RPL14: variants seen among roughly 807,000 people sequenced by gnomAD.
RPL14 encodes ribosomal protein L14.
RPL14 carries 4 observed loss-of-function variants against 25.3 expected under a neutral mutation model. That is an observed-to-expected ratio of 0.16 (90% CI 0.08 to 0.36). The LOEUF (loss-of-function observed/expected upper bound fraction) is 0.36, where lower values mean the gene tolerates loss of function less well. RPL14 is among the 10% of genes least tolerant of loss of function. RPL14 has a pLI of 1.00. For missense variants in RPL14, 212 were observed against 261.9 expected, an observed-to-expected ratio of 0.81 and a Z score of 1.31; for synonymous variants, 75 against 89.8, an observed-to-expected ratio of 0.84 and a Z score of 0.93.
Position 40,464,143 on chromosome 3 carries a change from A to G in RPL14, c.*1911A>G, listed in dbSNP as rs766184110. 3.4e-6 allele frequency: 1 copy of G among 292,010 alleles called. No individual in the cohort carries two copies. The highest frequency in any genetic ancestry group is 6.8e-6 in the Non-Finnish European group (1 of 146,060). 18.1% of individuals were successfully genotyped at this position (292,010 alleles called of 1,614,324 possible). A position where few individuals can be genotyped will look rare whatever the true frequency, so the allele number is the denominator to read the frequency against. The stretch of plus-strand genomic sequence containing the variant: ...CACCATGCCCCTCTAATATTGTATT[A>G]GAGATGGGGTTTTGCCATGTCAGCC... On this transcript the variant is annotated 3_prime_UTR_variant, in exon 6 of 6. Coordinates refer to ENST00000396203, the MANE Select transcript of RPL14 (RefSeq NM_001034996.3).
intron 3 of RPL14, 62 bp downstream of exon 3, chr3:40,458,798 T>C: frequency 7.6e-7 from 1 of 1,323,186 alleles, no homozygotes; most frequent in Non-Finnish European, 1.1e-6. Context: ...AGTAAAAGTT[T>C]GTTTTGGAGT....
At chr3:40,459,653 A>C (rs1454601760) in intron 3 of RPL14, among the ~76,000 whole-genome samples, 1 of 152,078 alleles carries the variant, frequency 6.6e-6, no homozygotes, top group Non-Finnish European at 1.5e-5. Context: ...CAGGAGATGG[A>C]GACCGTCCTG....
chr3:40,462,525 C>T lies in RPL14; in HGVS notation c.*293C>T, dbSNP rs539505770. The T allele has an allele frequency of 8.1e-5, 19 of 234,378 alleles. No individual in the cohort carries two copies. The East Asian group carries it at 9.7e-4, about 12-fold the overall frequency. The allele number at this position is 234,378 out of a possible 1,614,324, so 14.5% of individuals were successfully genotyped here. Reference sequence around the variant, plus strand: ...CTGAGCAGCTGGGACTACAGGTGCCCGCCACCGCGCCTGGCTAATTTTTTG... The same window carrying T: ...CTGAGCAGCTGGGACTACAGGTGCCTGCCACCGCGCCTGGCTAATTTTTTG... On this transcript the variant is annotated 3_prime_UTR_variant, in exon 6 of 6. Transcript: ENST00000396203.
At chr3:40,458,926 A>C (rs1021929982) in intron 3 of RPL14, 190 bp downstream of exon 3, 3 of 551,316 alleles carry the variant, frequency 5.4e-6, no homozygotes, top group African/African-American at 3.8e-5. Context: ...CTGTAATCCC[A>C]GTACTTTGGG....
chr3:40,458,518 G>A, intron 2 of RPL14, 124 bp from the exon 3 acceptor site: 4 of 700,648 alleles, frequency 5.7e-6, no homozygotes, highest in Non-Finnish European at 7.4e-6. Flanking sequence ...TCTTTTCTGA[G>A]CAATTTATTA....
chr3:40,458,099 G>T (rs1279989686), intron 2 of RPL14, 108 bp downstream of exon 2: 1 of 918,220 alleles, frequency 1.1e-6, no homozygotes, highest in Non-Finnish European at 1.8e-6. Context: ...ATGGGTAGTC[G>T]CTTTATTTTA....
At chr3:40,461,831 T>C (rs915456950) in intron 5 of RPL14, 108 bp from the exon 6 acceptor site, 2 of 1,323,610 alleles carry the variant, frequency 1.5e-6, no homozygotes, top group African/African-American at 2.9e-5. Flanking sequence ...TTTCTTCAGA[T>C]GTAGTTGTAG....
Position 40,465,986 on chromosome 3 carries a change from T to C in RPL14, c.*3754T>C, listed in dbSNP as rs1227046058. On this transcript the variant is annotated 3_prime_UTR_variant, in exon 6 of 6. Transcript: ENST00000396203. ...CAGGCGGATCACCTGAGGTCAGGGG[T>C]CCGAGACCAGCTTGGCCAACATGGT... The C allele has an allele frequency of 2.0e-5, 3 of 150,964 alleles. No individual in the cohort carries two copies. The highest frequency in any genetic ancestry group is 7.3e-5 in the African/African-American group (3 of 40,990). 9.4% of individuals were successfully genotyped at this position (150,964 alleles called of 1,614,324 possible). A position where few individuals can be genotyped will look rare whatever the true frequency, so the allele number is the denominator to read the frequency against.
intron 3 of RPL14, among the ~76,000 whole-genome samples, chr3:40,459,858 CAAAAAAAAAAAAAAA>C (rs10682822): frequency 1.1e-5 from 1 of 90,976 alleles, no homozygotes; most frequent in Non-Finnish European, 1.9e-5. Context: ...GACTCCGTTT[CAAAAAAAAAAAAAAA>C]AAAAAAACTT....
chr3:40,458,048 A>G, intron 2 of RPL14, 57 bp downstream of exon 2: 1 of 1,413,956 alleles, frequency 7.1e-7, no homozygotes, highest in East Asian at 2.3e-5. Flanking sequence ...TGCAGATGGC[A>G]ATAATGAATT....
Position 40,468,459 on chromosome 3 carries a change from C to G in RPL14, c.*6227C>G, listed in dbSNP as rs1175487219. ...CCTGGTCCAATAGTGCACTAAATGC[C>G]CGAGTTCTGTATTTATTCTATTTGG... On this transcript the variant is annotated 3_prime_UTR_variant, in exon 6 of 6. Coordinates refer to ENST00000396203, the MANE Select transcript of RPL14 (RefSeq NM_001034996.3). 2 of 152,068 alleles carry G rather than the reference C, an allele frequency of 1.3e-5. No homozygotes were observed. The highest frequency in any genetic ancestry group is 2.9e-5 in the Non-Finnish European group (2 of 68,012). The allele number at this position is 152,068 out of a possible 1,614,324, so 9.4% of individuals were successfully genotyped here.
At position 40,465,126 on chromosome 3, in the gene RPL14, A is replaced by G. The variant is rs1200856469; in HGVS notation, c.*2894A>G. 2 of 152,300 alleles carry G rather than the reference A, an allele frequency of 1.3e-5. No homozygotes were observed. Among genetic ancestry groups the G allele is most frequent in the African/African-American group, 4.8e-5 (2 of 41,432 alleles). The allele number at this position is 152,300 out of a possible 1,614,324, so 9.4% of individuals were successfully genotyped here. Reference sequence around the variant, plus strand: ...ACAGACTTGGGATTCATGAATATGTAAGTGGTCACTGATTCCCCAGGGGTA... The same window carrying G: ...ACAGACTTGGGATTCATGAATATGTGAGTGGTCACTGATTCCCCAGGGGTA... On this transcript the variant is annotated 3_prime_UTR_variant, in exon 6 of 6. Transcript: ENST00000396203.
intron 3 of RPL14, chr3:40,459,019 AT>A: frequency 2.9e-6 from 1 of 339,902 alleles, no homozygotes; most frequent in Admixed American, 4.5e-5. Context: ...TCTACAAAAA[AT>A]AAAAAAAAAA....
chr3:40,467,165 C>G lies in RPL14; in HGVS notation c.*4933C>G, dbSNP rs1394349435. On this transcript the variant is annotated 3_prime_UTR_variant, in exon 6 of 6. Transcript: ENST00000396203. ...GTGCTTGTTTTAAGCAAATTTCATA[C>G]TCTGCAACTTGCCTTTTTTCTTAAT... 6.6e-6 allele frequency: 1 copy of G among 152,126 alleles called. No homozygotes were observed. Among genetic ancestry groups the G allele is most frequent in the Non-Finnish European group, 1.5e-5 (1 of 68,036 alleles). 9.4% of individuals were successfully genotyped at this position (152,126 alleles called of 1,614,324 possible).
Position 40,462,334 on chromosome 3 carries a change from T to TTGA in RPL14, c.*104_*106dup, listed in dbSNP as rs554565113. ...GTTGAGGCTGGAGTTAGGAGGCAGATTGATAGTAGGATTATAATAAACATT... is the reference window on the plus strand; with the variant it reads ...GTTGAGGCTGGAGTTAGGAGGCAGATTGATGATAGTAGGATTATAATAAACATT... On this transcript the variant is annotated 3_prime_UTR_variant, in exon 6 of 6. Coordinates refer to ENST00000396203, the MANE Select transcript of RPL14 (RefSeq NM_001034996.3). 3,324 of 1,096,302 alleles carry TTGA rather than the reference T, an allele frequency of 3.0e-3. 6 individuals carry two copies. Among genetic ancestry groups the TTGA allele is most frequent in the Middle Eastern group, 7.5e-3 (36 of 4,832 alleles). 67.9% of individuals were successfully genotyped at this position (1,096,302 alleles called of 1,614,324 possible).
chr3:40,460,188 A>T (rs79243988), intron 3 of RPL14, among the ~76,000 whole-genome samples: 7,439 of 151,716 alleles, frequency 0.049, 540 homozygotes, highest in African/African-American at 0.16. Flanking sequence ...ATTTTTTTTT[A>T]AAAAAAAGCC....
Position 40,462,088 on chromosome 3 carries a change from C to A in RPL14, c.504C>A (p.Ala168=), listed in dbSNP as rs758426060. Residue 168 remains alanine, a synonymous_variant, in exon 6 of 6, where the codon GCC becomes GCA. Coordinates refer to ENST00000396203, the MANE Select transcript of RPL14 (RefSeq NM_001034996.3). ...AAKVPAKKIT[A]ASKKAPAQKV... is the part of the protein sequence containing the mutation. ...AAGTTCCAGCAAAAAAGATCACCGC[C>A]GCGAGTAAAAAGGCTCCAGCCCAGA... 2.3e-5 allele frequency: 36 copies of A among 1,593,476 alleles called. No individual in the cohort carries two copies. Among genetic ancestry groups the A allele is most frequent in the Non-Finnish European group, 2.9e-5 (34 of 1,168,226 alleles).
At chr3:40,458,782 T>A (rs756509808) in intron 3 of RPL14, 46 bp downstream of exon 3, 2 of 1,509,104 alleles carry the variant, frequency 1.3e-6, no homozygotes, top group Admixed American at 3.4e-5. Flanking sequence ...CAGATTTGTT[T>A]ATGCTAGTAA....
At chr3:40,457,518 C>G (rs772541396) in intron 1 of RPL14, 44 bp downstream of exon 1, 23 of 1,439,884 alleles carry the variant, frequency 1.6e-5, no homozygotes, top group Non-Finnish European at 9.5e-6. Flanking sequence ...CGGGCCCTTC[C>G]CGGACTCGCG....
Sources: allele counts gnomAD v4.1 joint callset (sites outside exome capture counted in the v4.1 genomes callset), GRCh38; gene constraint gnomAD v4.1.1; transcripts MANE v1.5; gene names NCBI Gene and HGNC (gene_info 2026-07-23, HGNC 2026-07-21).